CACNA1A: variants seen among roughly 807,000 people sequenced by gnomAD.
CACNA1A encodes calcium voltage-gated channel subunit alpha1 A, also known as voltage-dependent P/Q-type calcium channel subunit alpha-1A.
A neutral mutation model predicts 262.4 loss-of-function variants in CACNA1A; 57 were observed. That is an observed-to-expected ratio of 0.22 (90% CI 0.18 to 0.27). CACNA1A has a LOEUF of 0.27. Among genes scored for constraint, CACNA1A ranks in the 10% least tolerant of loss-of-function variants. The probability of loss-of-function intolerance (pLI) is 1.00; values close to 1 mark genes in which losing one functional copy is unlikely to be tolerated. For synonymous variants in CACNA1A, 1,431 were observed against 1,419.3 expected, an observed-to-expected ratio of 1.01 and a Z score of -0.18; for missense variants, 2,526 against 3,562.8, an observed-to-expected ratio of 0.71 and a Z score of 7.41.
At chr19:13,255,737 T>TCCTTCTCTCCCTCCCTCCC (rs2056540196) in intron 28 of CACNA1A, among the ~76,000 whole-genome samples, 1 of 36,052 alleles carries the variant, frequency 2.8e-5, no homozygotes, top group African/African-American at 1.0e-4. Flanking sequence ...CCCTCCCTCC[T>TCCTTCTCTCCCTCCCTCCC]TCCCTCCCTC....
chr19:13,304,788 A>G (rs1236428888), intron 15 of CACNA1A, among the ~76,000 whole-genome samples: 1 of 152,076 alleles, frequency 6.6e-6, no homozygotes, highest in East Asian at 1.9e-4. Context: ...GGAACTAACT[A>G]ACCCTGCTAA....
chr19:13,283,158 TA>T (rs1407821121), intron 22 of CACNA1A, 108 bp downstream of exon 22: 2 of 1,376,420 alleles, frequency 1.5e-6, no homozygotes, highest in African/African-American at 2.8e-5. Context: ...GGGCTATGCC[TA>T]GGGGTGACCC....
At position 13,241,530 on chromosome 19, in the gene CACNA1A, G is replaced by C; in HGVS notation, c.4950+3652C>G. The C allele has an allele frequency of 1.9e-6, 2 of 1,042,462 alleles. No individual in the cohort carries two copies. Among genetic ancestry groups the C allele is most frequent in the Non-Finnish European group, 2.7e-6 (2 of 752,860 alleles). The allele number at this position is 1,042,462 out of a possible 1,614,324, so 64.6% of individuals were successfully genotyped here. On this transcript the variant is annotated intron_variant, in intron 31 of 46. Transcript: ENST00000360228. The surrounding 1 kb of genome is among the most constrained non-coding windows in gnomAD (Gnocchi z 4.0). Reference sequence around the variant, plus strand: ...AAGAAGTAAGACCAACCGGATTCTAGATGCAGATGTTGAAGATGAGGGGGA... The same window carrying C: ...AAGAAGTAAGACCAACCGGATTCTACATGCAGATGTTGAAGATGAGGGGGA...
intron 6 of CACNA1A, among the ~76,000 whole-genome samples, chr19:13,358,256 C>T (rs2059041641): frequency 6.6e-6 from 1 of 152,084 alleles, no homozygotes; most frequent in African/African-American, 2.4e-5. Context: ...CAATAGAATG[C>T]TATGCAGCTG....
chr19:13,506,268 T>C lies in CACNA1A; in HGVS notation c.-44A>G, dbSNP rs1477360884. 1.4e-5 allele frequency: 20 copies of C among 1,393,566 alleles called. No homozygotes were observed. The South Asian group carries it at 3.0e-4, about 21-fold the overall frequency. The allele number at this position is 1,393,566 out of a possible 1,614,324, so 86.3% of individuals were successfully genotyped here. A position where few individuals can be genotyped will look rare whatever the true frequency, so the allele number is the denominator to read the frequency against. ...CTCCGGGTTACGCTGCGGCGAACGA[T>C]GCGGAAGACGCCGCCGCCGCCGCCG... On this transcript the variant is annotated 5_prime_UTR_variant, in exon 1 of 47. Transcript: ENST00000360228.
At position 13,341,499 on chromosome 19, in the gene CACNA1A, C is replaced by T. The variant is rs148597867; in HGVS notation, c.979-5590G>A. On this transcript the variant is annotated intron_variant, in intron 6 of 46. Coordinates refer to ENST00000360228, the MANE Select transcript of CACNA1A (RefSeq NM_001127222.2). Reference sequence around the variant, plus strand: ...AGGGGGCCTCCAACCCTCCCATCTCCTTGCTTTTATCTCCTCCCCTTTTCC... The same window carrying T: ...AGGGGGCCTCCAACCCTCCCATCTCTTTGCTTTTATCTCCTCCCCTTTTCC... Among the ~76,000 whole-genome samples the T allele has an allele frequency of 7.2e-5, 11 of 152,352 alleles. No homozygotes were observed. In the East Asian group the frequency reaches 2.1e-3, roughly 29 times the overall value.
intron 17 of CACNA1A, among the ~76,000 whole-genome samples, chr19:13,301,120 AT>A (rs34756816): frequency 0.055 from 7,763 of 140,888 alleles, 231 homozygotes; most frequent in South Asian, 0.11. Flanking sequence ...TATACATTTA[AT>A]TTTTTTTTTT....
intron 1 of CACNA1A, among the ~76,000 whole-genome samples, chr19:13,473,504 G>A (rs72999669): frequency 0.092 from 14,081 of 152,246 alleles, 989 homozygotes; most frequent in East Asian, 0.2. Flanking sequence ...ATATATTTAT[G>A]TTGTTTTAAG....
intron 1 of CACNA1A, among the ~76,000 whole-genome samples, chr19:13,500,327 G>C (rs897854494): frequency 1.3e-5 from 2 of 152,208 alleles, no homozygotes; most frequent in Non-Finnish European, 2.9e-5. Context: ...CACAGCCTCA[G>C]AGCTTGACTT....
At chr19:13,477,040 T>A (rs1009897550) in intron 1 of CACNA1A, among the ~76,000 whole-genome samples, 7 of 152,154 alleles carry the variant, frequency 4.6e-5, no homozygotes, top group Non-Finnish European at 1.0e-4. Context: ...CTCCAAAACC[T>A]GTCCCGTCAC....
chr19:13,408,521 C>T (rs1013052498), intron 3 of CACNA1A, among the ~76,000 whole-genome samples: 12 of 152,190 alleles, frequency 7.9e-5, no homozygotes, highest in African/African-American at 2.7e-4. Context: ...TTACAAATTC[C>T]TTTCATGTGG....
At chr19:13,404,478 GT>G (rs1568612669) in intron 3 of CACNA1A, among the ~76,000 whole-genome samples, 2 of 152,218 alleles carry the variant, frequency 1.3e-5, no homozygotes, top group Non-Finnish European at 2.9e-5. Flanking sequence ...AGCACCAGGT[GT>G]GTGTTAAGAG....
At chr19:13,445,755 C>A (rs1017044022) in intron 3 of CACNA1A, among the ~76,000 whole-genome samples, 5 of 152,100 alleles carry the variant, frequency 3.3e-5, no homozygotes, top group Non-Finnish European at 7.4e-5. Flanking sequence ...ATGATCAGAA[C>A]ACAAATACAA....
At chr19:13,310,795 C>CTT (rs747620000) in intron 12 of CACNA1A, among the ~76,000 whole-genome samples, 3 of 142,674 alleles carry the variant, frequency 2.1e-5, no homozygotes, top group South Asian at 2.2e-4. Context: ...TAAAATTTTT[C>CTT]TTTTTTTTTT....
intron 30 of CACNA1A, among the ~76,000 whole-genome samples, chr19:13,252,012 T>C (rs1042589489): frequency 6.6e-6 from 1 of 152,052 alleles, no homozygotes; most frequent in African/African-American, 2.4e-5. Flanking sequence ...GTGATTTGCC[T>C]GCCTCTGCCT....
chr19:13,224,351 G>T (rs1324118602), intron 38 of CACNA1A, among the ~76,000 whole-genome samples: 1 of 151,710 alleles, frequency 6.6e-6, no homozygotes, highest in Non-Finnish European at 1.5e-5. Context: ...GCCGAGTATG[G>T]TGGTGTGTGC....
At chr19:13,503,459 T>C (rs915138196) in intron 1 of CACNA1A, among the ~76,000 whole-genome samples, 2 of 152,126 alleles carry the variant, frequency 1.3e-5, no homozygotes, top group African/African-American at 4.8e-5. Flanking sequence ...TCTCAGGATA[T>C]GCTGAAACAT....
chr19:13,208,762 G>C lies in CACNA1A; in HGVS notation c.6774C>G (p.His2258Gln), dbSNP rs766371895. The change falls in exon 46 of 47, where the codon CAC becomes CAG. Residue 2258 changes from histidine to glutamine, a missense_variant. Physicochemically the swap from His to Gln is conservative, Grantham distance 24. Around this residue, in one of 17 missense-constraint regions of CACNA1A, gnomAD observed 929 missense variants for 868.1 expected, o/e 1.07. Coordinates refer to ENST00000360228, the MANE Select transcript of CACNA1A (RefSeq NM_001127222.2). ...CACTTGCAGCCGCACCCACCTGCCGGTGCGCCATGTGCTCTCGGCCCTCGC... is the reference window on the plus strand; with the variant it reads ...CACTTGCAGCCGCACCCACCTGCCGCTGCGCCATGTGCTCTCGGCCCTCGC... ...SPSEGREHMA[H>Q]RQGSSSVSGS... 2 of 1,574,264 alleles carry C rather than the reference G, an allele frequency of 1.3e-6. No individual in the cohort carries two copies. Among genetic ancestry groups the C allele is most frequent in the Non-Finnish European group, 1.7e-6 (2 of 1,166,988 alleles).
intron 3 of CACNA1A, among the ~76,000 whole-genome samples, chr19:13,383,877 C>T (rs1481871918): frequency 6.6e-6 from 1 of 152,168 alleles, no homozygotes; most frequent in Non-Finnish European, 1.5e-5. Flanking sequence ...GTGCAGTGCA[C>T]AGTCACAGCT....
Sources: allele counts gnomAD v4.1 joint callset (sites outside exome capture counted in the v4.1 genomes callset), GRCh38; gene constraint gnomAD v4.1.1; regional missense constraint gnomAD v4.1.1; non-coding constraint Gnocchi (gnomAD v3.1); transcripts MANE v1.5; gene names NCBI Gene and HGNC (gene_info 2026-07-23, HGNC 2026-07-21).